The following MAGEA11 variants were observed in gnomAD, a reference collection of about 807,000 sequenced individuals.
MAGEA11 encodes melanoma-associated antigen 11.
A neutral mutation model predicts 8.4 loss-of-function variants in MAGEA11; 1 was observed. The ratio of observed to expected loss-of-function variants is 0.12; its 90% confidence interval spans 0.04 to 0.57. MAGEA11 has a LOEUF of 0.57. Ranked by LOEUF, MAGEA11 falls within the 20% of genes least tolerant of loss-of-function variation. MAGEA11 has a pLI of 0.91. For missense variants in MAGEA11, 209 were observed against 317.3 expected (o/e 0.66, Z 2.59); for synonymous variants, 127 against 119.3 (o/e 1.06, Z -0.42).
At chrX:149,711,943 CCGCCT>C, upstream of MAGEA11, 1 of 414,628 alleles carries the variant, frequency 2.4e-6, no homozygotes, top group Non-Finnish European at 3.0e-6. Context: ...CCGCCCCGCC[CCGCCT>C]CGCCTCGCCC....
At chrX:149,712,833 G>A (rs1405896801) in intron 1 of MAGEA11, among the ~76,000 whole-genome samples, 12 of 112,309 alleles carry the variant, frequency 1.1e-4, no homozygotes, top group Non-Finnish European at 1.7e-4. Flanking sequence ...CAGGACCCAG[G>A]TTCTGCCAGG....
chrX:149,704,685 C>G (rs2090368685), intron 1 of MAGEA11, among the ~76,000 whole-genome samples: 1 of 112,092 alleles, frequency 8.9e-6, no homozygotes, highest in Non-Finnish European at 1.9e-5. Context: ...CCAGGCTAAG[C>G]TACAGCAACC....
Position 149,696,117 on chromosome X carries a change from T to C in MAGEA11, c.9+7133T>C, listed in dbSNP as rs73608704. 5.9e-3 allele frequency among the ~76,000 whole-genome samples: 658 copies of C among 111,323 alleles called. 6 individuals are homozygous for C. Among genetic ancestry groups the C allele is most frequent in the African/African-American group, 0.021 (647 of 30,596 alleles). On this transcript the variant is annotated intron_variant, in intron 1 of 3. Transcript: ENST00000333104. ...TGGTTCCTAACTAGCCCCCAGGTGA[T>C]GCGGTTGGAGGAGCATTGCCTGGAG...
At chrX:149,706,196 G>A (rs781879545) in intron 1 of MAGEA11, among the ~76,000 whole-genome samples, 4 of 111,944 alleles carry the variant, frequency 3.6e-5, no homozygotes, top group Non-Finnish European at 7.5e-5. Flanking sequence ...TTGGTAACAA[G>A]AAAGCCTTAC....
rs138004969 is a variant in MAGEA11 at position 149,716,665 on chromosome X, G to A, written c.1179G>A (p.Glu393=). 9.9e-6 allele frequency: 12 copies of A among 1,210,313 alleles called. No individual in the cohort carries two copies. Among genetic ancestry groups the A allele is most frequent in the Non-Finnish European group, 1.3e-5 (12 of 895,208 alleles). The change falls in exon 5 of 5, where the codon GAG becomes GAA. Residue 393 remains glutamate (E), a synonymous_variant. Coordinates refer to ENST00000355220, the MANE Select transcript of MAGEA11 (RefSeq NM_005366.5). ...EFLWGPRAHA[E]TSKMKVLEYI... is the part of the protein sequence containing the mutation. Reference sequence around the variant, plus strand: ...TGTGGGGTCCAAGGGCCCACGCTGAGACCAGCAAGATGAAAGTTCTTGAGT... The same window carrying A: ...TGTGGGGTCCAAGGGCCCACGCTGAAACCAGCAAGATGAAAGTTCTTGAGT...
At chrX:149,705,806 A>T (rs1025315880) in intron 1 of MAGEA11, among the ~76,000 whole-genome samples, 2 of 111,832 alleles carry the variant, frequency 1.8e-5, no homozygotes, top group Non-Finnish European at 3.8e-5. Context: ...TGTGGTGTGT[A>T]ACCACACAGG....
In MAGEA11 at chrX:149,694,667, T is replaced by A. The variant is rs184837771; in HGVS notation, c.9+5683T>A. ...CAACAGTATCTGATGATTTTCCTTT[T>A]TCTTTCTTTCTTTTCTCTTTATTTC... is the stretch of plus-strand genomic sequence containing the variant. On this transcript the variant is annotated intron_variant, in intron 1 of 3. Coordinates refer to the MAGEA11 transcript ENST00000333104. Among the ~76,000 whole-genome samples, 7 of 112,209 alleles carry A rather than the reference T, an allele frequency of 6.2e-5. No individual in the cohort carries two copies. In the East Asian group the frequency reaches 1.9e-3, roughly 31 times the overall value.
chrX:149,704,596 T>C (rs1172026920), intron 1 of MAGEA11, among the ~76,000 whole-genome samples: 1 of 112,054 alleles, frequency 8.9e-6, no homozygotes, highest in African/African-American at 3.2e-5. Flanking sequence ...CTCAAATATA[T>C]GCCAGGAAGT....
intron 1 of MAGEA11, among the ~76,000 whole-genome samples, chrX:149,698,788 G>T (rs1270410076): frequency 9.0e-6 from 1 of 110,551 alleles, no homozygotes; most frequent in African/African-American, 3.3e-5. Context: ...CCACCGACAG[G>T]CCCCATTGTA....
At chrX:149,697,477 T>C (rs975314377) in intron 1 of MAGEA11, among the ~76,000 whole-genome samples, 1 of 110,745 alleles carries the variant, frequency 9.0e-6, no homozygotes, top group African/African-American at 3.3e-5. Flanking sequence ...AGCTAGCAAC[T>C]GAAAGGCAGT....
At chrX:149,703,684 G>T (rs1243398205) in intron 1 of MAGEA11, among the ~76,000 whole-genome samples, 1 of 112,365 alleles carries the variant, frequency 8.9e-6, no homozygotes, top group Non-Finnish European at 1.9e-5. Flanking sequence ...CAAGGTAACA[G>T]ATTTTCAAGG....
At chrX:149,707,896 A>G (rs934351498), upstream of MAGEA11, among the ~76,000 whole-genome samples, 2 of 112,632 alleles carry the variant, frequency 1.8e-5, no homozygotes, top group Non-Finnish European at 3.7e-5. Flanking sequence ...AGAGAACTGA[A>G]TAAGTGTTTG....
intron 1 of MAGEA11, among the ~76,000 whole-genome samples, chrX:149,698,782 C>T (rs782403974): frequency 2.7e-5 from 3 of 111,004 alleles, no homozygotes; most frequent in Admixed American, 9.6e-5. Context: ...CTTGCACCAC[C>T]GACAGGCCCC....
chrX:149,693,723 G>A (rs191105988), intron 1 of MAGEA11, among the ~76,000 whole-genome samples: 145 of 111,690 alleles, frequency 1.3e-3, no homozygotes, highest in African/African-American at 4.5e-3. Flanking sequence ...ATCACTTTCC[G>A]TTCCCTCTTC....
intron 1 of MAGEA11, among the ~76,000 whole-genome samples, chrX:149,691,199 G>C (rs2090308888): frequency 9.0e-6 from 1 of 110,648 alleles, no homozygotes; most frequent in African/African-American, 3.3e-5. Flanking sequence ...GGGGTTTATA[G>C]TTTTTATCAA....
At chrX:149,692,919 A>C (rs1202521661) in intron 1 of MAGEA11, among the ~76,000 whole-genome samples, 1 of 111,882 alleles carries the variant, frequency 8.9e-6, no homozygotes, top group Non-Finnish European at 1.9e-5. Flanking sequence ...CCATCCATGT[A>C]AGATGTGACT....
At chrX:149,713,516 G>T (rs1427068582) in intron 2 of MAGEA11, 1 of 294,491 alleles carries the variant, frequency 3.4e-6, no homozygotes, top group Non-Finnish European at 5.8e-6. Context: ...CCTAGTTGGG[G>T]TTCTCTGGGA....
chrX:149,698,425 C>T (rs2090338743), intron 1 of MAGEA11, among the ~76,000 whole-genome samples: 2 of 111,413 alleles, frequency 1.8e-5, no homozygotes, highest in African/African-American at 3.3e-5. Context: ...CAGTTAATTA[C>T]AGAGATTGAT....
At chrX:149,712,306 G>A (rs1557361992) in intron 1 of MAGEA11, 144 bp downstream of exon 1, 1 of 266,781 alleles carries the variant, frequency 3.7e-6, no homozygotes, top group Admixed American at 9.3e-5. Flanking sequence ...TGCCCAAGGA[G>A]ACTCTGCGAG....
Sources: gnomAD v4.1 joint callset for allele counts (sites outside exome capture counted in the v4.1 genomes callset) on GRCh38, gnomAD v4.1.1 for gene constraint, MANE v1.5 for transcripts, NCBI Gene and HGNC (gene_info 2026-07-23, HGNC 2026-07-21) for gene names.